Variants in GABRB3 observed in about 807,000 individuals in gnomAD.
The protein encoded by GABRB3 is gamma-aminobutyric acid type A receptor subunit beta3.
Under a neutral mutation model 52.1 loss-of-function variants are expected in GABRB3, and 14 were observed. That is an observed-to-expected ratio of 0.27 (90% CI 0.18 to 0.42). The LOEUF (loss-of-function observed/expected upper bound fraction) is 0.42. Ranked by LOEUF, GABRB3 falls within the 10% of genes least tolerant of loss-of-function variation. The probability of loss-of-function intolerance (pLI) is 1.00; values close to 1 mark genes in which losing one functional copy is unlikely to be tolerated. For missense variants in GABRB3, 307 were observed against 609.1 expected (o/e 0.50, Z 5.22); for synonymous variants, 260 against 232.3 (o/e 1.12, Z -1.08).
intron 8 of GABRB3, among the ~76,000 whole-genome samples, chr15:26,551,809 G>A (rs1473804217): frequency 6.6e-6 from 1 of 152,168 alleles, no homozygotes; most frequent in Non-Finnish European, 1.5e-5. Context: ...TAGAATGGAG[G>A]ACAGCCAGGC....
At chr15:26,703,140 C>T (rs955240936) in intron 3 of GABRB3, among the ~76,000 whole-genome samples, 1 of 152,182 alleles carries the variant, frequency 6.6e-6, no homozygotes, top group African/African-American at 2.4e-5. Flanking sequence ...CATCATTTTA[C>T]TCCATTTTGT....
At chr15:26,672,616 C>T (rs74004641) in intron 3 of GABRB3, among the ~76,000 whole-genome samples, 1,620 of 152,050 alleles carry the variant, frequency 0.011, 25 homozygotes, top group African/African-American at 0.037. Context: ...ATTCACAGCC[C>T]TCCACCTCCA....
At chr15:26,642,675 A>G (rs1893235372) in intron 3 of GABRB3, 3 of 386,234 alleles carry the variant, frequency 7.8e-6, no homozygotes, top group Non-Finnish European at 1.6e-5. Flanking sequence ...GCACACACAC[A>G]CCAAAGCAGC....
chr15:26,673,807 C>T (rs999403602), intron 3 of GABRB3, among the ~76,000 whole-genome samples: 12 of 152,124 alleles, frequency 7.9e-5, no homozygotes, highest in African/African-American at 2.9e-4. Context: ...AGCTTTTATT[C>T]TTGGAATGGA....
chr15:26,550,536 T>C (rs1459701231), intron 8 of GABRB3, among the ~76,000 whole-genome samples: 3 of 152,194 alleles, frequency 2.0e-5, no homozygotes, highest in Admixed American at 6.5e-5. Flanking sequence ...TTAAACACCA[T>C]TGGTGGGAAT....
At chr15:26,694,787 C>T (rs148010149) in intron 3 of GABRB3, among the ~76,000 whole-genome samples, 27 of 152,280 alleles carry the variant, frequency 1.8e-4, no homozygotes, top group African/African-American at 6.0e-4. Flanking sequence ...GACTAATATG[C>T]TTAGGGCTCT....
intron 3 of GABRB3, among the ~76,000 whole-genome samples, chr15:26,700,361 A>G (rs1240166097): frequency 6.6e-6 from 1 of 152,178 alleles, no homozygotes; most frequent in Non-Finnish European, 1.5e-5. Context: ...CCTTCCCACA[A>G]ACATGATTTC....
At chr15:26,549,301 C>A (rs1451843175) in intron 8 of GABRB3, among the ~76,000 whole-genome samples, 1 of 152,152 alleles carries the variant, frequency 6.6e-6, no homozygotes, top group East Asian at 1.9e-4. Flanking sequence ...AGGCGCCGGG[C>A]CTGTATGGAG....
intron 7 of GABRB3, among the ~76,000 whole-genome samples, chr15:26,566,674 C>T (rs1282864237): frequency 4.6e-5 from 7 of 151,848 alleles, no homozygotes; most frequent in African/African-American, 4.8e-5. Flanking sequence ...TGCAGTGAGC[C>T]GTAATCGCAA....
intron 3 of GABRB3, among the ~76,000 whole-genome samples, chr15:26,667,392 G>A (rs1445268027): frequency 6.6e-6 from 1 of 152,078 alleles, no homozygotes; most frequent in Non-Finnish European, 1.5e-5. Flanking sequence ...TAACTGCTCT[G>A]ACTAATGCGG....
intron 5 of GABRB3, 23 bp downstream of exon 5, chr15:26,583,309 G>C (rs767735435): frequency 6.3e-7 from 1 of 1,583,654 alleles, no homozygotes; most frequent in Non-Finnish European, 8.7e-7. Flanking sequence ...GGAGGAGAAA[G>C]AAACACAGAT....
At chr15:26,607,678 A>G (rs1184873472) in intron 4 of GABRB3, among the ~76,000 whole-genome samples, 1 of 152,166 alleles carries the variant, frequency 6.6e-6, no homozygotes, top group African/African-American at 2.4e-5. Flanking sequence ...CTATAAATTA[A>G]CACTAAACTA....
intron 7 of GABRB3, among the ~76,000 whole-genome samples, chr15:26,562,167 C>T (rs779393962): frequency 1.3e-5 from 2 of 152,128 alleles, no homozygotes; most frequent in African/African-American, 4.8e-5. Flanking sequence ...AGTTAAGTTA[C>T]GCTGCGCTTA....
At chr15:26,670,805 CTTTT>C (rs1389308732) in intron 3 of GABRB3, among the ~76,000 whole-genome samples, 2 of 152,210 alleles carry the variant, frequency 1.3e-5, no homozygotes, top group Non-Finnish European at 2.9e-5. Flanking sequence ...CTCTTTCTTT[CTTTT>C]AAGCCCTTGC....
At chr15:26,636,586 G>A (rs1197075204) in intron 3 of GABRB3, among the ~76,000 whole-genome samples, 1 of 152,090 alleles carries the variant, frequency 6.6e-6, no homozygotes, top group African/African-American at 2.4e-5. Context: ...TAGCTGCATG[G>A]CTGATCCTGA....
intron 3 of GABRB3, among the ~76,000 whole-genome samples, chr15:26,746,547 C>T (rs1438478599): frequency 1.3e-5 from 2 of 148,816 alleles, no homozygotes; most frequent in African/African-American, 2.5e-5. Context: ...TGTTTTTTTC[C>T]GAAGTTTTAC....
At chr15:26,594,900 T>C (rs1891341363) in intron 4 of GABRB3, among the ~76,000 whole-genome samples, 1 of 152,206 alleles carries the variant, frequency 6.6e-6, no homozygotes, top group South Asian at 2.1e-4. Flanking sequence ...AACAGCATTC[T>C]TTCTCAGTCT....
intron 3 of GABRB3, among the ~76,000 whole-genome samples, chr15:26,760,840 A>C (rs1428730368): frequency 1.0e-5 from 1 of 98,624 alleles, no homozygotes; most frequent in Admixed American, 8.9e-5. Flanking sequence ...CAAACAAACA[A>C]AAACCCACCA....
At chr15:26,568,437 T>C (rs896186997) in intron 6 of GABRB3, among the ~76,000 whole-genome samples, 4 of 152,120 alleles carry the variant, frequency 2.6e-5, no homozygotes, top group Non-Finnish European at 5.9e-5. Context: ...TGAGAAAATA[T>C]GCCATTTATC....
Sources: allele counts gnomAD v4.1 joint callset (sites outside exome capture counted in the v4.1 genomes callset), GRCh38; gene constraint gnomAD v4.1.1; transcripts MANE v1.5; gene names NCBI Gene and HGNC (gene_info 2026-07-23, HGNC 2026-07-21).